The following KIF3C variants were observed in gnomAD, a reference collection of about 807,000 sequenced individuals.
KIF3C encodes kinesin-like protein KIF3C.
KIF3C carries 12 observed loss-of-function variants against 67.7 expected under a neutral mutation model. That is an observed-to-expected ratio of 0.18 (90% confidence interval 0.11 to 0.29). The LOEUF (loss-of-function observed/expected upper bound fraction) is 0.29, where lower values mean the gene tolerates loss of function less well. Ranked by LOEUF, KIF3C falls within the 10% of genes least tolerant of loss-of-function variation. The probability of loss-of-function intolerance (pLI) is 1.00; values close to 1 mark genes in which losing one functional copy is unlikely to be tolerated. For missense variants in KIF3C, 789 were observed against 1,059.6 expected, an observed-to-expected ratio of 0.74 and a Z score of 3.55; for synonymous variants, 393 against 426.2, an observed-to-expected ratio of 0.92 and a Z score of 0.96.
chr2:25,981,468 C>T lies in KIF3C; in HGVS notation c.450G>A (p.Gln150=), dbSNP rs766121248. Residue 150 remains glutamine (Q), a synonymous_variant, in exon 1 of 8, where the codon CAG becomes CAA. Transcript: ENST00000264712. This position sits in a 1 kb window ranked among gnomAD's most constrained non-coding sequence, Gnocchi z 8.2. ...TGGAGAGCAGGTCTCGAATCTCTTC[C>T]TGGTAGATCTCCAAATAGGAGGCCC... ...LVRASYLEIY[Q]EEIRDLLSKE... is the part of the protein sequence containing the mutation. The T allele has an allele frequency of 3.7e-6, 6 of 1,614,012 alleles. No individual in the cohort carries two copies. Among genetic ancestry groups the T allele is most frequent in the African/African-American group, 1.3e-5 (1 of 74,900 alleles).
intron 5 of KIF3C, among the ~76,000 whole-genome samples, chr2:25,936,884 C>T (rs1303136982): frequency 3.3e-5 from 5 of 152,310 alleles, no homozygotes; most frequent in South Asian, 2.1e-4. Flanking sequence ...AAGAAAGCTA[C>T]TTCCATTTAA....
chr2:25,942,007 A>G (rs193100615), intron 5 of KIF3C, among the ~76,000 whole-genome samples: 1 of 152,220 alleles, frequency 6.6e-6, no homozygotes, highest in East Asian at 1.9e-4. Context: ...ATTGCACCCT[A>G]GCCTGGGTGA....
Position 25,937,641 on chromosome 2 carries a change from G to A in KIF3C, c.2007-7578C>T, listed in dbSNP as rs541572757. ...AGTTCATCTGAACTTAACAACCTCC[G>A]GAGGTGTGGATAGAGCAAAGAAGAC... On this transcript the variant is annotated intron_variant, in intron 5 of 7. Coordinates refer to ENST00000264712, the MANE Select transcript of KIF3C (RefSeq NM_002254.8). 5.9e-5 allele frequency among the ~76,000 whole-genome samples: 9 copies of A among 152,310 alleles called. No homozygotes were observed. The South Asian group carries it at 6.2e-4, about 11-fold the overall frequency.
At chr2:25,949,321 C>G (rs530278936) in intron 5 of KIF3C, among the ~76,000 whole-genome samples, 2 of 152,134 alleles carry the variant, frequency 1.3e-5, no homozygotes, top group African/African-American at 4.8e-5. Context: ...CGCCTGTAAT[C>G]CTAGAACTTT....
intron 5 of KIF3C, among the ~76,000 whole-genome samples, chr2:25,943,523 A>C (rs1316267306): frequency 6.6e-6 from 1 of 152,196 alleles, no homozygotes; most frequent in Admixed American, 6.5e-5. Context: ...TAAAAAGAGT[A>C]ATTTTAAAAA....
At chr2:25,948,087 T>C (rs927001731) in intron 5 of KIF3C, among the ~76,000 whole-genome samples, 1 of 152,074 alleles carries the variant, frequency 6.6e-6, no homozygotes, top group Non-Finnish European at 1.5e-5. Context: ...CTGGCCATGG[T>C]GGCGACTGCC....
In KIF3C at chr2:25,982,435, G is replaced by A. The variant is rs201927685; in HGVS notation, c.-518C>T. ...GGGGATCATTCATTGCAGCCAGCGC[G>A]GCTGCTGCTGCCTCTGCCTCCGCCT... On this transcript the variant is annotated 5_prime_UTR_variant, in exon 1 of 8. Coordinates refer to ENST00000264712, the MANE Select transcript of KIF3C (RefSeq NM_002254.8). 2.5e-6 allele frequency: 1 copy of A among 398,596 alleles called. No homozygotes were observed. The highest frequency in any genetic ancestry group is 4.4e-6 in the Non-Finnish European group (1 of 226,172). The allele number at this position is 398,596 out of a possible 1,614,324, so 24.7% of individuals were successfully genotyped here.
chr2:25,980,795 G>A lies in KIF3C; in HGVS notation c.1123C>T (p.Pro375Ser). 6.2e-7 allele frequency: 1 copy of A among 1,614,224 alleles called. No homozygotes were observed. The highest frequency in any genetic ancestry group is 8.5e-7 in the Non-Finnish European group (1 of 1,180,040). The change falls in exon 1 of 8, where the codon CCC becomes TCC. Residue 375 changes from proline to serine, a missense_variant. Physicochemically the swap from Pro to Ser is moderately conservative, Grantham distance 74. Coordinates refer to ENST00000264712, the MANE Select transcript of KIF3C (RefSeq NM_002254.8). The surrounding 1 kb of genome is among the most constrained non-coding windows in gnomAD (Gnocchi z 7.6). ...AATTCCCGCAGCAGTGTGTCCTTGG[G>A]GTCCTCGTTCACCCGGGGCTTGTTC... The part of the protein sequence containing the change: ...IKNKPRVNED[P>S]KDTLLREFQE...
intron 1 of KIF3C, among the ~76,000 whole-genome samples, chr2:25,960,179 G>C (rs1663910858): frequency 6.6e-6 from 1 of 152,108 alleles, no homozygotes; most frequent in Admixed American, 6.6e-5. Flanking sequence ...TGAGGCAGGA[G>C]GATCGCTTGA....
chr2:25,942,022 G>C (rs923343133), intron 5 of KIF3C, among the ~76,000 whole-genome samples: 2 of 151,950 alleles, frequency 1.3e-5, no homozygotes, highest in Non-Finnish European at 2.9e-5. Context: ...GGGTGACAGA[G>C]TGAGACCCTG....
intron 1 of KIF3C, among the ~76,000 whole-genome samples, chr2:25,966,112 C>CT (rs1182845191): frequency 0.013 from 1,876 of 145,150 alleles, 17 homozygotes; most frequent in Non-Finnish European, 0.02. Context: ...TCTAGATGCT[C>CT]TTTTTTTTTT....
chr2:25,938,293 G>C (rs1201040574), intron 5 of KIF3C: 8 of 452,304 alleles, frequency 1.8e-5, no homozygotes, highest in Non-Finnish European at 3.5e-5. Flanking sequence ...GGGAGATGGA[G>C]GTTTCAGTGA....
intron 1 of KIF3C, among the ~76,000 whole-genome samples, chr2:25,969,487 T>TA (rs1347506765): frequency 6.6e-6 from 1 of 151,422 alleles, no homozygotes; most frequent in East Asian, 1.9e-4. Flanking sequence ...TTTGAAAAAA[T>TA]AAAAAAAAGT....
chr2:25,953,662 TTTTG>T (rs1461230887), intron 4 of KIF3C, among the ~76,000 whole-genome samples: 3 of 103,518 alleles, frequency 2.9e-5, no homozygotes, highest in African/African-American at 8.0e-5. Flanking sequence ...GCCCGGCCTT[TTTTG>T]TTTTTGTTTT....
At chr2:25,967,006 T>C (rs1031638173) in intron 1 of KIF3C, among the ~76,000 whole-genome samples, 1 of 152,190 alleles carries the variant, frequency 6.6e-6, no homozygotes, top group African/African-American at 2.4e-5. Flanking sequence ...CCGCCCTAAC[T>C]CCAAGCCCAA....
At chr2:25,929,881 G>T (rs2090444256) in intron 6 of KIF3C, 74 bp downstream of exon 6, 13 of 1,041,556 alleles carry the variant, frequency 1.2e-5, no homozygotes, top group Non-Finnish European at 1.8e-5. Context: ...CTCCCACAGT[G>T]CTGGGATTAC....
rs772693472 is a variant in KIF3C, at chr2:25,955,599, C to T, written c.1712G>A (p.Arg571Gln). 1.4e-5 allele frequency: 23 copies of T among 1,614,076 alleles called. No individual in the cohort carries two copies. Among genetic ancestry groups the T allele is most frequent in the Admixed American group, 5.0e-5 (3 of 60,016 alleles). ...MLRDEETMEL[R>Q]GTYTSLQQEV... Reference sequence around the variant, plus strand: ...CTGCTGCAGGGATGTGTAGGTGCCCCGGAGCTCCATAGTCTCCTCGTCCCG... The same window carrying T: ...CTGCTGCAGGGATGTGTAGGTGCCCTGGAGCTCCATAGTCTCCTCGTCCCG... The change falls in exon 3 of 8, where the codon CGG becomes CAG. Residue 571 changes from arginine (R) to glutamine (Q), a missense_variant. This residue lies in a region of KIF3C where 648 missense variants were observed against 807.8 expected (regional missense o/e 0.80). Transcript: ENST00000264712. The surrounding 1 kb of genome is among the most constrained non-coding windows in gnomAD (Gnocchi z 5.0).
intron 5 of KIF3C, among the ~76,000 whole-genome samples, chr2:25,935,796 G>A (rs991000825): frequency 1.3e-5 from 2 of 151,982 alleles, no homozygotes; most frequent in South Asian, 2.1e-4. Flanking sequence ...TATGTGGCTC[G>A]GCCGGGTGCA....
At chr2:25,957,768 A>C (rs1663843752) in intron 1 of KIF3C, among the ~76,000 whole-genome samples, 1 of 152,132 alleles carries the variant, frequency 6.6e-6, no homozygotes, top group South Asian at 2.1e-4. Flanking sequence ...AGGCTTTGTC[A>C]CCCAAAGACG....
Sources: allele counts gnomAD v4.1 joint callset (sites outside exome capture counted in the v4.1 genomes callset), GRCh38; gene constraint gnomAD v4.1.1; regional missense constraint gnomAD v4.1.1; non-coding constraint Gnocchi (gnomAD v3.1); transcripts MANE v1.5; gene names NCBI Gene and HGNC (gene_info 2026-07-23, HGNC 2026-07-21).